The following UBQLN3 variants were observed in gnomAD, a reference collection of about 807,000 sequenced individuals.
The protein encoded by UBQLN3 is ubiquilin-3.
UBQLN3 carries 1 observed loss-of-function variant against 2.9 expected under a neutral mutation model. That is an observed-to-expected ratio of 0.35 (90% CI 0.12 to 1.66). The LOEUF is 1.66. Among genes scored for constraint, UBQLN3 ranks in the 40% most tolerant of loss-of-function variants. The probability of loss-of-function intolerance (pLI) is 0.35; values close to 1 mark genes in which losing one functional copy is unlikely to be tolerated. For synonymous variants in UBQLN3, 358 were observed against 317.6 expected, an observed-to-expected ratio of 1.13 and a Z score of -1.35; for missense variants, 924 against 816.5, an observed-to-expected ratio of 1.13 and a Z score of -1.61.
At chr11:5,509,715 G>A in intron 1 of UBQLN3, 121 bp from the exon 2 acceptor site, 1 of 1,250,412 alleles carries the variant, frequency 8.0e-7, no homozygotes, top group Non-Finnish European at 1.1e-6. Flanking sequence ...CTACATGAAA[G>A]GGGCCATGAG....
At chr11:5,509,726 G>C in intron 1 of UBQLN3, 132 bp from the exon 2 acceptor site, 1 of 1,175,456 alleles carries the variant, frequency 8.5e-7, no homozygotes, top group Non-Finnish European at 1.2e-6. Context: ...GGGCCATGAG[G>C]TTTCTGGGGC....
rs199718908 is a variant in UBQLN3 at position 5,508,923 on chromosome 11, G to A, written c.636C>T (p.Asn212=). 2 of 1,614,118 alleles carry A rather than the reference G, an allele frequency of 1.2e-6. No homozygotes were observed. The highest frequency in any genetic ancestry group is 1.7e-6 in the Non-Finnish European group (2 of 1,180,050). Residue 212 remains asparagine (N), a synonymous_variant, in exon 2 of 2, where the codon AAC becomes AAT. Transcript: ENST00000311659. The surrounding 1 kb of genome is among the most constrained non-coding windows in gnomAD (Gnocchi z 4.2). ...QHNPEIGHIL[N]NPEIMRQTLE... ...GTGTCTGCCGCATAATTTCCGGGTTGTTAAGAATATGCCCAATCTCAGGGT... is the reference window on the plus strand; with the variant it reads ...GTGTCTGCCGCATAATTTCCGGGTTATTAAGAATATGCCCAATCTCAGGGT...
chr11:5,508,261 C>T lies in UBQLN3; in HGVS notation c.1298G>A (p.Ser433Asn). 1 of 1,614,146 alleles carries T rather than the reference C, an allele frequency of 6.2e-7. No individual in the cohort carries two copies. Among genetic ancestry groups the T allele is most frequent in the Admixed American group, 1.7e-5 (1 of 60,024 alleles). The change falls in exon 2 of 2, where the codon AGC becomes AAC. Residue 433 changes from serine (S) to asparagine (N), a missense_variant. Physicochemically the swap from Ser to Asn is conservative, Grantham distance 46. Transcript: ENST00000311659. This position sits in a 1 kb window ranked among gnomAD's most constrained non-coding sequence, Gnocchi z 4.2. Reference protein sequence around the residue: ...QGGDQDGAGKSSTGHSTNLPD... With the variant: ...QGGDQDGAGKNSTGHSTNLPD... ...CAAGTTTGTGCTATGTCCAGTAGAG[C>T]TTTTCCCTGCACCATCTTGGTCTCC... is the stretch of plus-strand genomic sequence containing the variant.
In UBQLN3 at chr11:5,507,440, G is replaced by T; in HGVS notation, c.*151C>A. On this transcript the variant is annotated 3_prime_UTR_variant, in exon 2 of 2. Transcript: ENST00000311659. ...TATGTTTTGGCCATTAGTCTTCCTC[G>T]TTGACTCTGGAACAACATTGCCTCC... The T allele has an allele frequency of 7.0e-7, 1 of 1,427,710 alleles. No homozygotes were observed. The highest frequency in any genetic ancestry group is 1.9e-4 in the Middle Eastern group (1 of 5,378). 88.4% of individuals were successfully genotyped at this position (1,427,710 alleles called of 1,614,324 possible).
In UBQLN3 at chr11:5,509,604, T is replaced by G. The variant is rs781538384; in HGVS notation, c.-36-10A>C. Reference sequence around the variant, plus strand: ...ATCTGTGGGGACACAGCTAGGGGCATGGGGATTGGAGACCAAGATCATCCT... The same window carrying G: ...ATCTGTGGGGACACAGCTAGGGGCAGGGGGATTGGAGACCAAGATCATCCT... On this transcript the variant is annotated splice_polypyrimidine_tract_variant and intron_variant, in intron 1 of 1. Transcript: ENST00000311659. 4.4e-6 allele frequency: 7 copies of G among 1,573,658 alleles called. No homozygotes were observed. In the South Asian group the frequency reaches 8.4e-5, roughly 19 times the overall value.
In UBQLN3 at chr11:5,507,594, C is replaced by T. The variant is rs113032445; in HGVS notation, c.1965G>A (p.Ser655=). ...ATGGTTTGAATGAATAAGGCTCCTA[C>T]GACTGTCTCAGCTTCTCCACAGCAG... is the stretch of plus-strand genomic sequence containing the variant. ...VDAAVEKLRQ[S] is the part of the protein sequence containing the mutation. The change falls in exon 2 of 2, where the codon TCG becomes TCA. Residue 655 remains serine (S), a synonymous_variant. Coordinates refer to ENST00000311659, the MANE Select transcript of UBQLN3 (RefSeq NM_017481.4). 1.4e-5 allele frequency: 23 copies of T among 1,600,672 alleles called. No homozygotes were observed. Among genetic ancestry groups the T allele is most frequent in the African/African-American group, 6.7e-5 (5 of 74,564 alleles).
Position 5,507,548 on chromosome 11 carries a change from A to G in UBQLN3, c.*43T>C. The G allele has an allele frequency of 1.3e-6, 2 of 1,533,450 alleles. No individual in the cohort carries two copies. The highest frequency in any genetic ancestry group is 1.8e-6 in the Non-Finnish European group (2 of 1,140,808). The allele number at this position is 1,533,450 out of a possible 1,614,324, so 95.0% of individuals were successfully genotyped here. ...AGAGCTAGGGAACTAGGATATGGGA[A>G]AAAGGCACAGAGGAAAACGTATGGT... On this transcript the variant is annotated 3_prime_UTR_variant, in exon 2 of 2. Coordinates refer to ENST00000311659, the MANE Select transcript of UBQLN3 (RefSeq NM_017481.4).
In UBQLN3 at chr11:5,507,709, T is replaced by C. The variant is rs1465042110; in HGVS notation, c.1850A>G (p.Gln617Arg). The C allele has an allele frequency of 1.9e-6, 3 of 1,614,032 alleles. No homozygotes were observed. The highest frequency in any genetic ancestry group is 2.5e-6 in the Non-Finnish European group (3 of 1,179,986). The change falls in exon 2 of 2, where the codon CAG becomes CGG. Residue 617 changes from glutamine (Q) to arginine (R), a missense_variant. Transcript: ENST00000311659. ...GGACCGCAGTTGCTCCAGCTGCACC[T>C]GAAAGTGAGCCTCAGGCTGCAGCTG... ...PQQLQPEAHF[Q>R]VQLEQLRSMG...
rs1451987846 is a variant in UBQLN3, at chr11:5,508,388, C to G, written c.1171G>C (p.Gly391Arg). The G allele has an allele frequency of 6.2e-7, 1 of 1,601,904 alleles. No homozygotes were observed. Among genetic ancestry groups the G allele is most frequent in the Admixed American group, 1.7e-5 (1 of 58,504 alleles). ...TCCTCGGGGAGAGGCTGGCCTGACC[C>G]AGGCTCCTGAGATGAGGGTGACGAT... ...PPSSPSSQEP[G>R]SGQPLPEESV... The change falls in exon 2 of 2, where the codon GGG becomes CGG. Residue 391 changes from glycine to arginine, a missense_variant. Coordinates refer to ENST00000311659, the MANE Select transcript of UBQLN3 (RefSeq NM_017481.4). This position sits in a 1 kb window ranked among gnomAD's most constrained non-coding sequence, Gnocchi z 4.2.
chr11:5,508,475 C>T lies in UBQLN3; in HGVS notation c.1084G>A (p.Gly362Arg). 1 of 1,613,376 alleles carries T rather than the reference C, an allele frequency of 6.2e-7. No individual in the cohort carries two copies. Among genetic ancestry groups the T allele is most frequent in the South Asian group, 1.1e-5 (1 of 90,960 alleles). ...NPQSLGTYLQ[G>R]TASALSQSQE... ...CTTTGGCTGAGGGCAGATGCAGTCC[C>T]CTGTAGATAAGTTCCTAGGGACTGG... Residue 362 changes from glycine (G) to arginine (R), a missense_variant, in exon 2 of 2, where the codon GGG (glycine) becomes AGG (arginine). Physicochemically the swap from Gly to Arg is moderately radical, Grantham distance 125 (BLOSUM62 -2). Coordinates refer to ENST00000311659, the MANE Select transcript of UBQLN3 (RefSeq NM_017481.4). This position sits in a 1 kb window ranked among gnomAD's most constrained non-coding sequence, Gnocchi z 4.2.
In UBQLN3 at chr11:5,507,370, G is replaced by T; in HGVS notation, c.*221C>A. On this transcript the variant is annotated 3_prime_UTR_variant, in exon 2 of 2. Transcript: ENST00000311659. The stretch of plus-strand genomic sequence containing the variant: ...GCAGAGCTTAGACTGGGGCCCCCCA[G>T]TGGTATAGTGGTACAAGTGGTTGAC... 1 of 861,876 alleles carries T rather than the reference G, an allele frequency of 1.2e-6. No homozygotes were observed. The highest frequency in any genetic ancestry group is 1.6e-6 in the Non-Finnish European group (1 of 611,208). 53.4% of individuals were successfully genotyped at this position (861,876 alleles called of 1,614,324 possible).
chr11:5,508,791 A>AG lies in UBQLN3; in HGVS notation c.767dup (p.Met257TyrfsTer11). ...TTGGGTCCATAATATCTGTGTACAT[A>AG]GTGCAAAGCACATTGTAGCCACCAG... On this transcript the variant is annotated frameshift_variant, in exon 2 of 2. Transcript: ENST00000311659. LOFTEE classifies it low-confidence loss of function (END_TRUNC). The surrounding 1 kb of genome is among the most constrained non-coding windows in gnomAD (Gnocchi z 4.2). 1 of 1,614,176 alleles carries AG rather than the reference A, an allele frequency of 6.2e-7. No homozygotes were observed. Among genetic ancestry groups the AG allele is most frequent in the Non-Finnish European group, 8.5e-7 (1 of 1,180,032 alleles).
chr11:5,509,024 C>T lies in UBQLN3; in HGVS notation c.535G>A (p.Gly179Ser). 1.2e-6 allele frequency: 2 copies of T among 1,614,050 alleles called. No homozygotes were observed. The highest frequency in any genetic ancestry group is 1.7e-6 in the Non-Finnish European group (2 of 1,179,994). Residue 179 changes from glycine to serine, a missense_variant, in exon 2 of 2, where the codon GGT becomes AGT. Transcript: ENST00000311659. Reference sequence around the variant, plus strand: ...ACTAGGCCTGTGTTGGACAGCAGACCCGGGATGAAGGGGTCATCAATGAGC... The same window carrying T: ...ACTAGGCCTGTGTTGGACAGCAGACTCGGGATGAAGGGGTCATCAATGAGC... The part of the protein sequence containing the change: ...TQLIDDPFIP[G>S]LLSNTGLVRQ...
chr11:5,509,793 G>A, intron 1 of UBQLN3, 81 bp downstream of exon 1: 1 of 614,492 alleles, frequency 1.6e-6, no homozygotes, highest in Non-Finnish European at 2.7e-6. Context: ...GGAGGGAAAT[G>A]CAGGGCCCTG....
Position 5,507,431 on chromosome 11 carries a change from G to A in UBQLN3, c.*160C>T, listed in dbSNP as rs536249827. The A allele has an allele frequency of 7.1e-7, 1 of 1,401,390 alleles. No individual in the cohort carries two copies. The highest frequency in any genetic ancestry group is 9.4e-7 in the Non-Finnish European group (1 of 1,066,928). 86.8% of individuals were successfully genotyped at this position (1,401,390 alleles called of 1,614,324 possible). A position where few individuals can be genotyped will look rare whatever the true frequency, so the allele number is the denominator to read the frequency against. On this transcript the variant is annotated 3_prime_UTR_variant, in exon 2 of 2. Transcript: ENST00000311659. ...CACCTCCACTATGTTTTGGCCATTA[G>A]TCTTCCTCGTTGACTCTGGAACAAC...
In UBQLN3 at chr11:5,509,418, C is replaced by T; in HGVS notation, c.141G>A (p.Lys47=). The part of the protein sequence containing the change: ...VTDTCTIQQL[K]EEISQRFKAH... ...CCTTAAAGCGCTGAGATATCTCTTC[C>T]TTCAGCTGCTGGATAGTGCATGTGT... The change falls in exon 2 of 2, where the codon AAG becomes AAA. Residue 47 remains lysine (K), a synonymous_variant. Transcript: ENST00000311659. 1 of 1,614,208 alleles carries T rather than the reference C, an allele frequency of 6.2e-7. No individual in the cohort carries two copies. The highest frequency in any genetic ancestry group is 8.5e-7 in the Non-Finnish European group (1 of 1,180,012).
chr11:5,509,711 G>GA, intron 1 of UBQLN3, 117 bp from the exon 2 acceptor site: 4 of 1,300,516 alleles, frequency 3.1e-6, no homozygotes, highest in Non-Finnish European at 4.1e-6. Flanking sequence ...GGGTCTACAT[G>GA]AAAGGGGCCA....
At position 5,507,804 on chromosome 11, in the gene UBQLN3, A is replaced by G; in HGVS notation, c.1755T>C (p.Ser585=). The change falls in exon 2 of 2, where the codon TCT becomes TCC. Residue 585 remains serine (S), a synonymous_variant. Transcript: ENST00000311659. ...GAGGGGAAAGGAAGCCCAGCTCTGCAGAGTCCAGTGCTGGGAACACCTCAG... is the reference window on the plus strand; with the variant it reads ...GAGGGGAAAGGAAGCCCAGCTCTGCGGAGTCCAGTGCTGGGAACACCTCAG... ...PPPEVFPALD[S]AELGFLSPPF... 2 of 1,614,084 alleles carry G rather than the reference A, an allele frequency of 1.2e-6. No homozygotes were observed. Among genetic ancestry groups the G allele is most frequent in the South Asian group, 1.1e-5 (1 of 91,070 alleles).
At position 5,509,383 on chromosome 11, in the gene UBQLN3, T is replaced by C. The variant is rs1379092020; in HGVS notation, c.176A>G (p.Asp59Gly). ...GCCAGCAAAGATTAGAACAAGCTGA[T>C]CGGGGTGGGCCTTAAAGCGCTGAGA... ...EISQRFKAHP[D>G]QLVLIFAGKI... Residue 59 changes from aspartate to glycine, a missense_variant, in exon 2 of 2, where the codon GAT becomes GGT. By Grantham distance (94) the Asp-to-Gly change is moderately conservative. Coordinates refer to ENST00000311659, the MANE Select transcript of UBQLN3 (RefSeq NM_017481.4). 6 of 1,614,144 alleles carry C rather than the reference T, an allele frequency of 3.7e-6. No individual in the cohort carries two copies. The highest frequency in any genetic ancestry group is 5.1e-6 in the Non-Finnish European group (6 of 1,180,010).
Sources: gnomAD v4.1 joint callset for allele counts on GRCh38, gnomAD v4.1.1 for gene constraint, Gnocchi (gnomAD v3.1) non-coding constraint, MANE v1.5 for transcripts, NCBI Gene and HGNC (gene_info 2026-07-23, HGNC 2026-07-21) for gene names.